The following CORO2A variants were observed in gnomAD, a reference collection of about 807,000 sequenced individuals.
The protein encoded by CORO2A is coronin-2A.
A neutral mutation model predicts 62.4 loss-of-function variants in CORO2A; 47 were observed. The observed-to-expected ratio is 0.75, with a 90% CI of 0.60 to 0.96. The LOEUF is 0.96. CORO2A is among the 40% of genes least tolerant of loss of function. The pLI is 0.00. For missense variants in CORO2A, 610 were observed against 684.1 expected (o/e 0.89, Z 1.21); for synonymous variants, 273 against 268.9 (o/e 1.02, Z -0.15).
At chr9:98,146,971 A>G (rs1827651081) in intron 2 of CORO2A, among the ~76,000 whole-genome samples, 1 of 152,166 alleles carries the variant, frequency 6.6e-6, no homozygotes, top group African/African-American at 2.4e-5. Flanking sequence ...TGGTTACTTA[A>G]TAAGAAACAT....
intron 1 of CORO2A, among the ~76,000 whole-genome samples, chr9:98,187,895 G>C (rs1184472052): frequency 1.3e-5 from 2 of 152,306 alleles, no homozygotes; most frequent in East Asian, 3.9e-4. Flanking sequence ...GAAAGTCCTA[G>C]ATTCTCCATG....
At chr9:98,161,615 T>A (rs1157182368) in intron 1 of CORO2A, among the ~76,000 whole-genome samples, 1 of 151,988 alleles carries the variant, frequency 6.6e-6, no homozygotes, top group African/African-American at 2.4e-5. Flanking sequence ...AGATTTAATT[T>A]TCAGGTTTTC....
Position 98,192,614 on chromosome 9 carries a change from G to GCGCTCCT in CORO2A, c.-63_-57dup, listed in dbSNP as rs1397115126. 1 of 150,214 alleles carries GCGCTCCT rather than the reference G, an allele frequency of 6.7e-6. No homozygotes were observed. The highest frequency in any genetic ancestry group is 1.5e-5 in the Non-Finnish European group (1 of 67,322). The allele number at this position is 150,214 out of a possible 1,614,324, so 9.3% of individuals were successfully genotyped here. ...GGCGGCGGCGTCCAGCTCCGGCTCC[G>GCGCTCCT]CGCTCCTCGCCGCCCGCCGACTCCC... is the stretch of plus-strand genomic sequence containing the variant. On this transcript the variant is annotated 5_prime_UTR_variant, in exon 1 of 12. Coordinates refer to ENST00000375077, the MANE Select transcript of CORO2A (RefSeq NM_052820.4).
At chr9:98,155,633 C>T (rs1827793794) in intron 2 of CORO2A, among the ~76,000 whole-genome samples, 1 of 152,110 alleles carries the variant, frequency 6.6e-6, no homozygotes, top group Non-Finnish European at 1.5e-5. Context: ...GCATGAGCCA[C>T]CACGCCTGGC....
chr9:98,140,785 C>T (rs1587996617), intron 2 of CORO2A, among the ~76,000 whole-genome samples: 1 of 152,132 alleles, frequency 6.6e-6, no homozygotes, highest in African/African-American at 2.4e-5. Context: ...AGGAGGTGGT[C>T]CTGTGCCTCC....
intron 2 of CORO2A, 37 bp downstream of exon 2, chr9:98,157,423 C>T: frequency 6.2e-7 from 1 of 1,601,134 alleles, no homozygotes. Flanking sequence ...TCCTGCCCTG[C>T]CTCCAGAGAG....
At position 98,168,163 on chromosome 9, in the gene CORO2A, C is replaced by T. The variant is rs559117552; in HGVS notation, c.1-10503G>A. Among the ~76,000 whole-genome samples the T allele has an allele frequency of 1.3e-4, 20 of 152,338 alleles. No homozygotes were observed. The South Asian group carries it at 4.1e-3, about 32-fold the overall frequency. ...TCCAGCTCCTTAGTCACACTAGCAA[C>T]ATTTCAAGAGCTCAAAAGCCACATG... On this transcript the variant is annotated intron_variant, in intron 1 of 11. Coordinates refer to ENST00000375077, the MANE Select transcript of CORO2A (RefSeq NM_052820.4).
At chr9:98,152,135 T>G (rs796696078) in intron 2 of CORO2A, among the ~76,000 whole-genome samples, 8 of 151,040 alleles carry the variant, frequency 5.3e-5, no homozygotes, top group African/African-American at 1.2e-4. Context: ...TGTTTTTTTT[T>G]TTTGTTTTTT....
chr9:98,125,921 T>A (rs1827310682), intron 11 of CORO2A, among the ~76,000 whole-genome samples: 1 of 152,054 alleles, frequency 6.6e-6, no homozygotes, highest in Admixed American at 6.6e-5. Context: ...TTTCGCCATG[T>A]TGGCCAGGCT....
At chr9:98,181,455 C>T (rs546382443) in intron 1 of CORO2A, among the ~76,000 whole-genome samples, 30 of 151,104 alleles carry the variant, frequency 2.0e-4, no homozygotes, top group Admixed American at 4.0e-4. Flanking sequence ...GGATTATAGG[C>T]GTGAGCCTCG....
At position 98,157,650 on chromosome 9, in the gene CORO2A, T is replaced by G. The variant is rs1588004804; in HGVS notation, c.11A>C (p.His4Pro). ...GAACTTGGAGCTCCGGTACTGGGGG[T>G]GCCATGACATCTGCAGGAGACAAAT... MSW[H>P]PQYRSSKFRH... Residue 4 changes from histidine (H) to proline (P), a missense_variant, in exon 2 of 12, where the codon CAC becomes CCC. Transcript: ENST00000375077. 1.9e-6 allele frequency: 3 copies of G among 1,612,852 alleles called. No individual in the cohort carries two copies. Among genetic ancestry groups the G allele is most frequent in the Non-Finnish European group, 2.5e-6 (3 of 1,179,330 alleles).
intron 4 of CORO2A, among the ~76,000 whole-genome samples, chr9:98,134,276 A>C (rs1827453236): frequency 6.6e-6 from 1 of 152,184 alleles, no homozygotes; most frequent in Middle Eastern, 3.2e-3. Context: ...TGTGGGTCCC[A>C]ATCTACAGGG....
At chr9:98,158,812 T>C (rs564863514) in intron 1 of CORO2A, among the ~76,000 whole-genome samples, 2 of 148,672 alleles carry the variant, frequency 1.3e-5, no homozygotes, top group South Asian at 4.4e-4. Context: ...AGTAAGATTA[T>C]CAAAGAGAAA....
intron 1 of CORO2A, among the ~76,000 whole-genome samples, chr9:98,188,807 C>G (rs1296289982): frequency 6.6e-6 from 1 of 151,994 alleles, no homozygotes; most frequent in African/African-American, 2.4e-5. Context: ...ACAACAAAAA[C>G]AAAACAAAAG....
chr9:98,148,469 C>T (rs11790033), intron 2 of CORO2A, among the ~76,000 whole-genome samples: 71,271 of 150,434 alleles, frequency 0.47, 17,182 homozygotes, highest in Middle Eastern at 0.53. Flanking sequence ...TAATTGAGGC[C>T]AGGTGCAGTG....
rs1827289602 is a variant in CORO2A, at chr9:98,124,540, T to G, written c.*234A>C. On this transcript the variant is annotated 3_prime_UTR_variant, in exon 12 of 12. Transcript: ENST00000375077. ...CATCATGGGCCCTTAATAACAGAAT[T>G]CAACAGAAGGCATCATCTGAAAACA... The G allele has an allele frequency of 2.6e-6, 1 of 391,188 alleles. No homozygotes were observed. The highest frequency in any genetic ancestry group is 4.6e-6 in the Non-Finnish European group (1 of 218,568). 24.2% of individuals were successfully genotyped at this position (391,188 alleles called of 1,614,324 possible).
In CORO2A at chr9:98,124,597, G is replaced by A; in HGVS notation, c.*177C>T. 1 of 575,466 alleles carries A rather than the reference G, an allele frequency of 1.7e-6. No individual in the cohort carries two copies. The highest frequency in any genetic ancestry group is 2.8e-6 in the Non-Finnish European group (1 of 359,662). The allele number at this position is 575,466 out of a possible 1,614,324, so 35.6% of individuals were successfully genotyped here. A position where few individuals can be genotyped will look rare whatever the true frequency, so the allele number is the denominator to read the frequency against. On this transcript the variant is annotated 3_prime_UTR_variant, in exon 12 of 12. Transcript: ENST00000375077. Reference sequence around the variant, plus strand: ...ATTCAGAAACTGTTGTTGCAAGAAGGCAAACAGAAAAACGGCACCATGTCC... The same window carrying A: ...ATTCAGAAACTGTTGTTGCAAGAAGACAAACAGAAAAACGGCACCATGTCC...
intron 8 of CORO2A, among the ~76,000 whole-genome samples, chr9:98,129,579 T>A (rs569817759): frequency 6.6e-6 from 1 of 152,170 alleles, no homozygotes; most frequent in Non-Finnish European, 1.5e-5. Flanking sequence ...CAATGTTGCC[T>A]CCTCTGAGAA....
At chr9:98,139,977 G>A (rs1015174536) in intron 2 of CORO2A, among the ~76,000 whole-genome samples, 1 of 152,142 alleles carries the variant, frequency 6.6e-6, no homozygotes, top group African/African-American at 2.4e-5. Flanking sequence ...TCCACCAAGA[G>A]ACTTGGATTT....
Sources: allele counts gnomAD v4.1 joint callset (sites outside exome capture counted in the v4.1 genomes callset), GRCh38; gene constraint gnomAD v4.1.1; transcripts MANE v1.5; gene names NCBI Gene and HGNC (gene_info 2026-07-23, HGNC 2026-07-21).